The following NIPBL variants were observed in gnomAD, a reference collection of about 807,000 sequenced individuals.
NIPBL encodes nipped-B-like protein.
A neutral mutation model predicts 321.8 loss-of-function variants in NIPBL; 19 were observed. The ratio of observed to expected loss-of-function variants is 0.06; its 90% CI spans 0.04 to 0.09. The LOEUF (loss-of-function observed/expected upper bound fraction) is 0.09, where lower values mean the gene tolerates loss of function less well. Among genes scored for constraint, NIPBL ranks in the 10% least tolerant of loss-of-function variants. The pLI is 1.00. For missense variants in NIPBL, 2,210 were observed against 3,327.0 expected (o/e 0.66, Z 8.26); for synonymous variants, 1,106 against 1,114.1 (o/e 0.99, Z 0.14).
chr5:36,942,909 GA>G (rs900188263), intron 1 of NIPBL, among the ~76,000 whole-genome samples: 26 of 151,894 alleles, frequency 1.7e-4, no homozygotes, highest in Non-Finnish European at 3.1e-4. Flanking sequence ...TAGTAGGACT[GA>G]AAAAAAGTTT....
chr5:36,907,010 A>G (rs1180986243), intron 1 of NIPBL, among the ~76,000 whole-genome samples: 3 of 152,196 alleles, frequency 2.0e-5, no homozygotes, highest in Non-Finnish European at 4.4e-5. Context: ...GATGGTGACT[A>G]GTAGAATGTG....
chr5:36,945,375 C>G (rs1398674227), intron 1 of NIPBL, among the ~76,000 whole-genome samples: 1 of 152,048 alleles, frequency 6.6e-6, no homozygotes, highest in Non-Finnish European at 1.5e-5. Flanking sequence ...TATAGTTTTG[C>G]TTATTGTTTT....
intron 14 of NIPBL, among the ~76,000 whole-genome samples, chr5:37,002,044 TGAG>T (rs1432741901): frequency 1.3e-5 from 2 of 152,006 alleles, no homozygotes; most frequent in African/African-American, 4.8e-5. Flanking sequence ...TAGGATAATA[TGAG>T]GAGGAGTTAT....
At chr5:37,003,480 A>G (rs977654709) in intron 16 of NIPBL, 133 bp downstream of exon 16, 21 of 594,658 alleles carry the variant, frequency 3.5e-5, no homozygotes, top group Non-Finnish European at 6.2e-5. Flanking sequence ...AAGTAGGTGA[A>G]TAATTTTTAT....
At chr5:36,939,996 GCAGGTTTTT>G (rs1428830647) in intron 1 of NIPBL, among the ~76,000 whole-genome samples, 1 of 152,180 alleles carries the variant, frequency 6.6e-6, no homozygotes, top group Non-Finnish European at 1.5e-5. Flanking sequence ...ACATTCATTT[GCAGGTTTTT>G]GCATGAACAC....
intron 1 of NIPBL, among the ~76,000 whole-genome samples, chr5:36,923,103 ATACAAAAT>A (rs2149561190): frequency 6.6e-6 from 1 of 152,264 alleles, no homozygotes; most frequent in African/African-American, 2.4e-5. Context: ...CCTGGCCAAC[ATACAAAAT>A]TACAAAATTT....
chr5:37,041,822 C>A (rs1030476449), intron 34 of NIPBL, among the ~76,000 whole-genome samples: 2 of 151,806 alleles, frequency 1.3e-5, no homozygotes, highest in African/African-American at 4.8e-5. Context: ...ACTGTGGCCT[C>A]CCAAAGAGCC....
At position 36,963,672 on chromosome 5, in the gene NIPBL, T is replaced by C. The variant is rs115509089; in HGVS notation, c.610+1398T>C. ...AAAAAATTAGCCAGGCATGGTGGCA[T>C]TTACTTGTAGTCCCAGCTACTCAGG... On this transcript the variant is annotated intron_variant, in intron 6 of 46. Transcript: ENST00000282516. Among the ~76,000 whole-genome samples, 1,478 of 151,374 alleles carry C rather than the reference T, an allele frequency of 9.8e-3. 22 individuals carry two copies. The highest frequency in any genetic ancestry group is 0.034 in the African/African-American group (1,410 of 41,294).
rs146901864 is a variant in NIPBL at position 36,932,653 on chromosome 5, T to A, written c.-79-20965T>A. Among the ~76,000 whole-genome samples the A allele has an allele frequency of 1.6e-4, 25 of 152,244 alleles. No individual in the cohort carries two copies. The East Asian group carries it at 4.1e-3, about 25-fold the overall frequency. ...TATGATAGTTTTTGGCTTTTGATTG[T>A]CATATTTAGCCTATTCCCATTTAAT... On this transcript the variant is annotated intron_variant, in intron 1 of 46. Coordinates refer to ENST00000282516, the MANE Select transcript of NIPBL (RefSeq NM_133433.4).
intron 5 of NIPBL, 135 bp downstream of exon 5, chr5:36,961,718 T>C (rs935633616): frequency 1.4e-6 from 1 of 713,010 alleles, no homozygotes. Context: ...AGTAATCCAC[T>C]TTGCATTTGC....
intron 42 of NIPBL, among the ~76,000 whole-genome samples, chr5:37,055,891 C>T (rs1315007107): frequency 1.3e-5 from 2 of 151,694 alleles, no homozygotes; most frequent in Non-Finnish European, 2.9e-5. Flanking sequence ...TGCACCTATA[C>T]TCCTAGCTAC....
chr5:36,969,342 TAAG>T (rs1228732474), intron 6 of NIPBL, among the ~76,000 whole-genome samples: 3 of 152,124 alleles, frequency 2.0e-5, no homozygotes, highest in African/African-American at 7.2e-5. Flanking sequence ...GACAAAATAA[TAAG>T]GAATGAAGTG....
chr5:37,028,978 T>C (rs1405554351), intron 32 of NIPBL, among the ~76,000 whole-genome samples: 1 of 152,200 alleles, frequency 6.6e-6, no homozygotes. Flanking sequence ...GTCATTTAAG[T>C]TGTTCCTCTA....
chr5:37,040,524 A>G (rs1343973062), intron 34 of NIPBL, among the ~76,000 whole-genome samples: 2 of 152,222 alleles, frequency 1.3e-5, no homozygotes, highest in Admixed American at 6.5e-5. Context: ...TACCTGGTAT[A>G]TATCTAATTC....
chr5:37,020,734 C>CA, intron 26 of NIPBL, 41 bp from the exon 27 acceptor site: 2 of 1,605,198 alleles, frequency 1.2e-6, no homozygotes, highest in African/African-American at 1.3e-5. Flanking sequence ...CCCTAAGTTA[C>CA]AAAAAAAGAA....
chr5:37,038,006 TA>T (rs200006268), intron 33 of NIPBL, among the ~76,000 whole-genome samples: 13,292 of 114,818 alleles, frequency 0.12, 740 homozygotes, highest in Admixed American at 0.18. Context: ...TTTTTTTTTT[TA>T]AAGACAGGGT....
At chr5:36,992,284 A>G (rs1481275790) in intron 10 of NIPBL, among the ~76,000 whole-genome samples, 1 of 152,240 alleles carries the variant, frequency 6.6e-6, no homozygotes, top group Non-Finnish European at 1.5e-5. Flanking sequence ...ATAAAGCACT[A>G]GTAATCTGAA....
intron 24 of NIPBL, among the ~76,000 whole-genome samples, chr5:37,018,841 C>T (rs767056442): frequency 2.0e-5 from 3 of 151,964 alleles, no homozygotes; most frequent in Non-Finnish European, 4.4e-5. Flanking sequence ...AAATAATGGC[C>T]GGGCGCAGTG....
chr5:36,988,045 C>T (rs988974231), intron 10 of NIPBL, among the ~76,000 whole-genome samples: 27 of 152,088 alleles, frequency 1.8e-4, no homozygotes, highest in Admixed American at 3.3e-4. Context: ...CCATCTTTCT[C>T]TCCCTCCCCT....
Sources: allele counts gnomAD v4.1 joint callset (sites outside exome capture counted in the v4.1 genomes callset), GRCh38; gene constraint gnomAD v4.1.1; transcripts MANE v1.5; gene names NCBI Gene and HGNC (gene_info 2026-07-23, HGNC 2026-07-21).